DACH1: variants seen among roughly 807,000 people sequenced by gnomAD.
The protein encoded by DACH1 is dachshund homolog 1.
DACH1 carries 12 observed loss-of-function variants against 54.2 expected under a neutral mutation model. The ratio of observed to expected loss-of-function variants is 0.22; its 90% CI spans 0.14 to 0.36. The LOEUF (loss-of-function observed/expected upper bound fraction) is 0.36, where lower values mean the gene tolerates loss of function less well. Ranked by LOEUF, DACH1 falls within the 10% of genes least tolerant of loss-of-function variation. The pLI, the probability that DACH1 is intolerant of heterozygous loss-of-function variation, is 1.00. For missense variants in DACH1, 805 were observed against 929.8 expected (o/e 0.87, Z 1.75); for synonymous variants, 386 against 366.2 (o/e 1.05, Z -0.62).
intron 3 of DACH1, among the ~76,000 whole-genome samples, chr13:71,608,514 C>T (rs1041714221): frequency 6.6e-6 from 1 of 151,998 alleles, no homozygotes; most frequent in African/African-American, 2.4e-5. Context: ...GTATTTATTA[C>T]CATATGGCTA....
At position 71,453,644 on chromosome 13, in the gene DACH1, A is replaced by G. The variant is rs115557817; in HGVS notation, c.2084-12952T>C. Reference sequence around the variant, plus strand: ...TTCTACTTTTTTTCTATTTTCTCCAACATGACTAATTTGTTACTTTTAATA... The same window carrying G: ...TTCTACTTTTTTTCTATTTTCTCCAGCATGACTAATTTGTTACTTTTAATA... On this transcript the variant is annotated intron_variant, in intron 10 of 10. Coordinates refer to ENST00000613252, the MANE Select transcript of DACH1 (RefSeq NM_080759.6). Among the ~76,000 whole-genome samples, 1,354 of 152,282 alleles carry G rather than the reference A, an allele frequency of 8.9e-3. 9 individuals are homozygous for G. Among genetic ancestry groups the G allele is most frequent in the African/African-American group, 0.017 (719 of 41,560 alleles).
Position 71,479,271 on chromosome 13 carries a change from G to C in DACH1, c.1768C>G (p.Gln590Glu). The C allele has an allele frequency of 6.2e-7, 1 of 1,613,356 alleles. No individual in the cohort carries two copies. Among genetic ancestry groups the C allele is most frequent in the Non-Finnish European group, 8.5e-7 (1 of 1,179,700 alleles). Residue 590 changes from glutamine to glutamate, a missense_variant, in exon 8 of 11, where the codon CAG becomes GAG. By Grantham distance (29) the Gln-to-Glu change is conservative (BLOSUM62 2). This residue lies in a region of DACH1 where 472 missense variants were observed against 545.3 expected (regional missense o/e 0.87). Coordinates refer to ENST00000613252, the MANE Select transcript of DACH1 (RefSeq NM_080759.6). ...AGCTCAGTTTTTTCCAGTTGGACCT[G>C]TTTCTCTTGAGCTCTGGCATTATCT... The part of the protein sequence containing the change: ...AIDNARAQEK[Q>E]VQLEKTELKM...
intron 1 of DACH1, among the ~76,000 whole-genome samples, chr13:71,735,140 T>A (rs111205653): frequency 0.16 from 7,622 of 48,262 alleles, 1,662 homozygotes; most frequent in Non-Finnish European, 0.22. Flanking sequence ...TATGGGATAC[T>A]CGTATATGGT....
At chr13:71,671,658 G>A (rs1880214527) in intron 2 of DACH1, among the ~76,000 whole-genome samples, 1 of 152,014 alleles carries the variant, frequency 6.6e-6, no homozygotes, top group African/African-American at 2.4e-5. Context: ...ACAGCTGATG[G>A]TTAGCGAGGG....
intron 1 of DACH1, among the ~76,000 whole-genome samples, chr13:71,719,522 C>T (rs1883135173): frequency 6.6e-6 from 1 of 152,106 alleles, no homozygotes; most frequent in Non-Finnish European, 1.5e-5. Flanking sequence ...AGTACACTTT[C>T]TATACTATGC....
chr13:71,442,658 C>A (rs1383971472), intron 10 of DACH1, among the ~76,000 whole-genome samples: 1 of 152,078 alleles, frequency 6.6e-6, no homozygotes, highest in Non-Finnish European at 1.5e-5. Flanking sequence ...TGCCTGAAAT[C>A]ATGGATAGTA....
rs375768266 is a variant in DACH1, at chr13:71,848,383, C to A, written c.848+17539G>T. On this transcript the variant is annotated intron_variant, in intron 1 of 10. Transcript: ENST00000613252. Reference sequence around the variant, plus strand: ...GGACTTTGTAATTTTTCAGAATTCACAACTTCCTTTAGATTGTTATAGTTT... The same window carrying A: ...GGACTTTGTAATTTTTCAGAATTCAAAACTTCCTTTAGATTGTTATAGTTT... Among the ~76,000 whole-genome samples, 5 of 152,148 alleles carry A rather than the reference C, an allele frequency of 3.3e-5. No individual in the cohort carries two copies. The South Asian group carries it at 1.0e-3, about 32-fold the overall frequency.
intron 1 of DACH1, among the ~76,000 whole-genome samples, chr13:71,766,772 A>G (rs1342525568): frequency 1.3e-5 from 2 of 152,158 alleles, no homozygotes; most frequent in Admixed American, 6.5e-5. Context: ...AAAGCACTGA[A>G]AAAAACAATT....
chr13:71,860,546 CA>C (rs1874286311), intron 1 of DACH1, among the ~76,000 whole-genome samples: 1 of 146,852 alleles, frequency 6.8e-6, no homozygotes, highest in Non-Finnish European at 1.5e-5. Flanking sequence ...AACCAAGTAA[CA>C]AAAACCTTAA....
intron 1 of DACH1, among the ~76,000 whole-genome samples, chr13:71,754,846 G>A (rs1462130868): frequency 6.6e-6 from 1 of 151,904 alleles, no homozygotes; most frequent in African/African-American, 2.4e-5. Context: ...AAAACAAAGA[G>A]GTAGAATAAT....
intron 3 of DACH1, among the ~76,000 whole-genome samples, chr13:71,619,110 G>A (rs1041801226): frequency 3.3e-5 from 5 of 150,348 alleles, no homozygotes; most frequent in Admixed American, 6.7e-5. Context: ...ATATATATAT[G>A]TGTGTATATA....
chr13:71,648,538 A>G (rs1395298434), intron 2 of DACH1, among the ~76,000 whole-genome samples: 1 of 152,164 alleles, frequency 6.6e-6, no homozygotes, highest in African/African-American at 2.4e-5. Flanking sequence ...GGAAAAAAAT[A>G]ATTAATTAAA....
At chr13:71,447,262 C>G (rs1162193631) in intron 10 of DACH1, among the ~76,000 whole-genome samples, 1 of 152,044 alleles carries the variant, frequency 6.6e-6, no homozygotes, top group African/African-American at 2.4e-5. Context: ...ACAGTTGCAA[C>G]CATCAAATCA....
chr13:71,760,914 C>A lies in DACH1; in HGVS notation c.849-79004G>T, dbSNP rs200346314. Among the ~76,000 whole-genome samples the A allele has an allele frequency of 3.3e-5, 5 of 152,132 alleles. No homozygotes were observed. The East Asian group carries it at 9.7e-4, about 29-fold the overall frequency. On this transcript the variant is annotated intron_variant, in intron 1 of 10. Transcript: ENST00000613252. ...TAAACATCAGAGAATTTTGATATGG[C>A]ATTTTGAATTCAGGAAATTTACAGA...
At chr13:71,612,278 C>T (rs1875391583) in intron 3 of DACH1, among the ~76,000 whole-genome samples, 1 of 152,002 alleles carries the variant, frequency 6.6e-6, no homozygotes, top group Admixed American at 6.6e-5. Flanking sequence ...CTTAAAGATA[C>T]CAATTCCTTA....
chr13:71,614,547 TA>T (rs1368766638), intron 3 of DACH1, among the ~76,000 whole-genome samples: 1 of 152,046 alleles, frequency 6.6e-6, no homozygotes, highest in East Asian at 1.9e-4. Flanking sequence ...ATCATTAATA[TA>T]AAAATGCCAA....
chr13:71,811,214 C>T (rs922941124), intron 1 of DACH1, among the ~76,000 whole-genome samples: 1 of 152,050 alleles, frequency 6.6e-6, no homozygotes, highest in African/African-American at 2.4e-5. Flanking sequence ...TCTTGAATTA[C>T]ATATACAAAC....
chr13:71,735,597 C>CGTATATGGGATATACGT (rs1884068203), intron 1 of DACH1, among the ~76,000 whole-genome samples: 8 of 98,180 alleles, frequency 8.1e-5, no homozygotes, highest in Non-Finnish European at 1.4e-4. Flanking sequence ...ATGGGATATA[C>CGTATATGGGATATACGT]GTATATGGGA....
At chr13:71,528,400 T>C (rs2138298558) in intron 6 of DACH1, among the ~76,000 whole-genome samples, 1 of 151,894 alleles carries the variant, frequency 6.6e-6, no homozygotes, top group Non-Finnish European at 1.5e-5. Context: ...AAAAAGCAGA[T>C]TTTAGAAACG....
Sources: gnomAD v4.1 joint callset for allele counts (sites outside exome capture counted in the v4.1 genomes callset) on GRCh38, gnomAD v4.1.1 for gene constraint, gnomAD v4.1.1 regional missense constraint, MANE v1.5 for transcripts, NCBI Gene and HGNC (gene_info 2026-07-23, HGNC 2026-07-21) for gene names.